Variants in ALPK2 observed in about 807,000 individuals in gnomAD.
ALPK2 encodes the protein alpha-protein kinase 2.
Under a neutral mutation model 163.1 loss-of-function variants are expected in ALPK2, and 127 were observed. That is an observed-to-expected ratio of 0.78 (90% confidence interval 0.67 to 0.90). The LOEUF is 0.90. ALPK2 is among the 40% of genes least tolerant of loss of function. The pLI, the probability that ALPK2 is intolerant of heterozygous loss-of-function variation, is 0.00. For synonymous variants in ALPK2, 953 were observed against 959.1 expected (o/e 0.99, Z 0.12); for missense variants, 2,360 against 2,589.6 (o/e 0.91, Z 1.92).
In ALPK2 at chr18:58,497,039, C is replaced by T. The variant is rs751009452; in HGVS notation, c.6296+1010G>A. On this transcript the variant is annotated intron_variant, in intron 12 of 12. Transcript: ENST00000361673. Reference sequence around the variant, plus strand: ...TTATCCTCCCTCACCTATTCCTTCCCGAATAAACCATAATATTCTTGCCTG... The same window carrying T: ...TTATCCTCCCTCACCTATTCCTTCCTGAATAAACCATAATATTCTTGCCTG... 1.5e-4 allele frequency among the ~76,000 whole-genome samples: 23 copies of T among 152,304 alleles called. No homozygotes were observed. In the South Asian group the frequency reaches 3.3e-3, roughly 22 times the overall value.
chr18:58,505,831 C>T (rs937207421), intron 10 of ALPK2, among the ~76,000 whole-genome samples: 3 of 152,216 alleles, frequency 2.0e-5, no homozygotes, highest in Non-Finnish European at 4.4e-5. Context: ...TCTCGGCCCC[C>T]ACCCCCTTTG....
intron 1 of ALPK2, among the ~76,000 whole-genome samples, chr18:58,620,222 T>C (rs1156515546): frequency 6.6e-6 from 1 of 151,576 alleles, no homozygotes; most frequent in African/African-American, 2.4e-5. Flanking sequence ...ACCCGGGAGG[T>C]GGAGGTGGCA....
rs758361664 is a variant in ALPK2, at chr18:58,540,453, TA to T, written c.1963-2230del. On this transcript the variant is annotated intron_variant, in intron 4 of 12. Transcript: ENST00000361673. ...CATTTCTGGGAAATAAGGGATAAGGTATTTTTTTAAAAGAGTTTGATGTGCA... is the reference window on the plus strand; with the variant it reads ...CATTTCTGGGAAATAAGGGATAAGGTTTTTTTTAAAAGAGTTTGATGTGCA... 7.9e-5 allele frequency among the ~76,000 whole-genome samples: 12 copies of T among 152,218 alleles called. 1 individual carries two copies. Among genetic ancestry groups the T allele is most frequent in the Non-Finnish European group, 1.5e-4 (10 of 68,044 alleles).
intron 3 of ALPK2, among the ~76,000 whole-genome samples, chr18:58,586,369 C>A (rs1037230051): frequency 2.0e-5 from 3 of 152,192 alleles, no homozygotes; most frequent in Non-Finnish European, 4.4e-5. Flanking sequence ...GCAACAAGAA[C>A]ACTGGCAAAA....
chr18:58,572,117 T>G (rs570103091), intron 4 of ALPK2, among the ~76,000 whole-genome samples: 1 of 151,480 alleles, frequency 6.6e-6, no homozygotes, highest in East Asian at 1.9e-4. Flanking sequence ...AAAGAAAATA[T>G]ACAACTGGCA....
intron 4 of ALPK2, among the ~76,000 whole-genome samples, chr18:58,573,814 A>G (rs116555098): frequency 7.6e-4 from 116 of 152,044 alleles, no homozygotes; most frequent in Middle Eastern, 3.4e-3. Flanking sequence ...CTCTGAAAGA[A>G]GAAATTGTAG....
rs567477848 is a variant in ALPK2, at chr18:58,567,711, T to A, written c.1962+11103A>T. Among the ~76,000 whole-genome samples, 34 of 152,358 alleles carry A rather than the reference T, an allele frequency of 2.2e-4. 1 individual carries two copies. The South Asian group carries it at 6.4e-3, about 29-fold the overall frequency. ...GCAAAGGGAACCAGAATAGCTGGAA[T>A]AAATTACAGAAAATTGAGCAGGAAA... On this transcript the variant is annotated intron_variant, in intron 4 of 12. Transcript: ENST00000361673.
At chr18:58,544,816 T>G (rs1250525658) in intron 4 of ALPK2, 1 of 152,226 alleles carries the variant, frequency 6.6e-6, no homozygotes, top group Non-Finnish European at 1.5e-5. Context: ...GGCTGACTAA[T>G]TCAACAGTAC....
intron 4 of ALPK2, among the ~76,000 whole-genome samples, chr18:58,573,264 G>GTATATATGTATATATGTGTA (rs1008468641): frequency 4.2e-4 from 12 of 28,612 alleles, no homozygotes; most frequent in East Asian, 0.05. Context: ...GTATATATGT[G>GTATATATGTATATATGTGTA]TATATATATG....
At chr18:58,572,174 T>TGTA (rs2051889326) in intron 4 of ALPK2, among the ~76,000 whole-genome samples, 1 of 152,024 alleles carries the variant, frequency 6.6e-6, no homozygotes, top group Admixed American at 6.6e-5. Context: ...ATTAGGGAAA[T>TGTA]GCAAATTAAA....
chr18:58,498,154 T>C, intron 11 of ALPK2, 57 bp from the exon 12 acceptor site: 2 of 1,550,682 alleles, frequency 1.3e-6, no homozygotes, highest in Admixed American at 1.7e-5. Context: ...CCTCAGGAAG[T>C]TGGGCCATCT....
At chr18:58,616,203 G>A (rs1226814458) in intron 1 of ALPK2, among the ~76,000 whole-genome samples, 2 of 152,168 alleles carry the variant, frequency 1.3e-5, no homozygotes, top group Non-Finnish European at 1.5e-5. Context: ...TGGTTATGGT[G>A]TTATGATATA....
chr18:58,567,022 C>T (rs1004464889), intron 4 of ALPK2, among the ~76,000 whole-genome samples: 2 of 151,336 alleles, frequency 1.3e-5, no homozygotes, highest in Non-Finnish European at 1.5e-5. Flanking sequence ...ATTTATTTCT[C>T]AGACAGCATA....
At chr18:58,587,771 T>TA (rs1367341062) in intron 3 of ALPK2, among the ~76,000 whole-genome samples, 4 of 151,846 alleles carry the variant, frequency 2.6e-5, no homozygotes, top group African/African-American at 9.7e-5. Context: ...ACAATATATA[T>TA]ATAATGAGAG....
At chr18:58,595,845 A>G (rs963707515) in intron 3 of ALPK2, among the ~76,000 whole-genome samples, 1 of 152,060 alleles carries the variant, frequency 6.6e-6, no homozygotes, top group Non-Finnish European at 1.5e-5. Context: ...TGGTCTGGAG[A>G]GGGAGCTGGG....
Position 58,535,990 on chromosome 18 carries a change from T to C in ALPK2, c.4197A>G (p.Leu1399=). The C allele has an allele frequency of 1.2e-6, 2 of 1,614,146 alleles. No individual in the cohort carries two copies. The highest frequency in any genetic ancestry group is 1.7e-6 in the Non-Finnish European group (2 of 1,179,982). ...CATCAATGGGATCTACAGAGGACTC[T>C]AGGATTTTAGGGCAGGTCAGAAACT... ...FKKFLTCPKI[L]ESSVDPIDEI... The change falls in exon 5 of 13, where the codon CTA becomes CTG. Residue 1399 remains leucine, a synonymous_variant. Coordinates refer to ENST00000361673, the MANE Select transcript of ALPK2 (RefSeq NM_052947.4).
intron 4 of ALPK2, among the ~76,000 whole-genome samples, chr18:58,568,309 C>G (rs2051867079): frequency 6.6e-6 from 1 of 152,188 alleles, no homozygotes; most frequent in African/African-American, 2.4e-5. Context: ...TGCTGTGTTC[C>G]TTGGCTAAGA....
chr18:58,566,201 T>C (rs1265560858), intron 4 of ALPK2, among the ~76,000 whole-genome samples: 2 of 152,374 alleles, frequency 1.3e-5, no homozygotes, highest in East Asian at 3.8e-4. Context: ...CATCAGTTTA[T>C]TGGGGGTCCA....
At chr18:58,626,643 C>T (rs570477998) in intron 1 of ALPK2, among the ~76,000 whole-genome samples, 1 of 152,252 alleles carries the variant, frequency 6.6e-6, no homozygotes, top group African/African-American at 2.4e-5. Flanking sequence ...ATCTCTACTT[C>T]TGCTTTTAGA....
Sources: allele counts gnomAD v4.1 joint callset (sites outside exome capture counted in the v4.1 genomes callset), GRCh38; gene constraint gnomAD v4.1.1; transcripts MANE v1.5; gene names NCBI Gene and HGNC (gene_info 2026-07-23, HGNC 2026-07-21).